The following FIS1 variants were observed in gnomAD, a reference collection of about 807,000 sequenced individuals.
The protein encoded by FIS1 is mitochondrial fission 1 protein.
In FIS1, 16 loss-of-function variants were observed where a neutral mutation model predicts 21.6. The ratio of observed to expected loss-of-function variants is 0.74; its 90% CI spans 0.50 to 1.12. FIS1 has a LOEUF of 1.12. FIS1 is among the 50% of genes most tolerant of loss of function. The pLI is 0.00. For missense variants in FIS1, 198 were observed against 190.9 expected (o/e 1.04, Z -0.22); for synonymous variants, 92 against 82.2 (o/e 1.12, Z -0.65).
At chr7:101,244,454 G>A in intron 1 of FIS1, 1 of 372,896 alleles carries the variant, frequency 2.7e-6, no homozygotes, top group South Asian at 3.4e-5. Flanking sequence ...TGTCAGAACT[G>A]CTCAACAGCC....
At chr7:101,244,804 T>G in intron 1 of FIS1, 156 bp downstream of exon 1, 1 of 850,116 alleles carries the variant, frequency 1.2e-6, no homozygotes, top group Non-Finnish European at 1.9e-6. Context: ...TAGCAGGCCC[T>G]CCGGGCAGGA....
Position 101,242,489 on chromosome 7 carries a change from T to A in FIS1, c.178+1518A>T, listed in dbSNP as rs925351545. Among the ~76,000 whole-genome samples, 440 of 90,664 alleles carry A rather than the reference T, an allele frequency of 4.9e-3. 2 individuals carry two copies. The highest frequency in any genetic ancestry group is 0.03 in the African/African-American group (423 of 14,030). 59.5% of individuals were successfully genotyped at this position (90,664 alleles called of 152,430 possible). The stretch of plus-strand genomic sequence containing the variant: ...TAAGAAAGAGTCTTATTTTTATAGT[T>A]TTTTTTTTTTTTTTTTTGAGACGGA... On this transcript the variant is annotated intron_variant, in intron 2 of 4. Coordinates refer to ENST00000223136, the MANE Select transcript of FIS1 (RefSeq NM_016068.3).
At position 101,244,019 on chromosome 7, in the gene FIS1, CGAT is replaced by C; in HGVS notation, c.163_165del (p.Ile55del). On this transcript the variant is annotated inframe_deletion, in exon 2 of 5. Coordinates refer to ENST00000223136, the MANE Select transcript of FIS1 (RefSeq NM_016068.3). ...TACAGCGCCTCACCCTCGAGCAGCACGATGCCTTTACGGATGTCATCATTGTAC... is the reference window on the plus strand; with the variant it reads ...TACAGCGCCTCACCCTCGAGCAGCACGCCTTTACGGATGTCATCATTGTAC... 3 of 1,613,398 alleles carry C rather than the reference CGAT, an allele frequency of 1.9e-6. No homozygotes were observed. Among genetic ancestry groups the C allele is most frequent in the Non-Finnish European group, 2.5e-6 (3 of 1,179,792 alleles).
chr7:101,240,133 G>C lies in FIS1; in HGVS notation c.361+9C>G. On this transcript the variant is annotated intron_variant, in intron 4 of 4. Transcript: ENST00000223136. ...GAGCGGGGCTGAACAAAGGGGCCGA[G>C]GCTGTCACCTTTCTTCATGGCCTTG... 6.2e-7 allele frequency: 1 copy of C among 1,613,422 alleles called. No individual in the cohort carries two copies. Among genetic ancestry groups the C allele is most frequent in the Non-Finnish European group, 8.5e-7 (1 of 1,179,356 alleles).
At position 101,240,827 on chromosome 7, in the gene FIS1, C is replaced by T. The variant is rs764426375; in HGVS notation, c.255+3G>A. ...GGTGAAGGGAACGGGGTCCCCACCTCACCTTGAGCCGGTAGTTCCCCACGG... is the reference window on the plus strand; with the variant it reads ...GGTGAAGGGAACGGGGTCCCCACCTTACCTTGAGCCGGTAGTTCCCCACGG... On this transcript the variant is annotated splice_donor_region_variant and intron_variant, in intron 3 of 4. Transcript: ENST00000223136. 24 of 1,613,562 alleles carry T rather than the reference C, an allele frequency of 1.5e-5. No homozygotes were observed. Among genetic ancestry groups the T allele is most frequent in the Non-Finnish European group, 2.0e-5 (24 of 1,180,020 alleles).
Position 101,245,044 on chromosome 7 carries a change from G to GCCA in FIS1, c.-43_-41dup. The stretch of plus-strand genomic sequence containing the variant: ...CGAGCCTCACACTACAGTCTACTGT[G>GCCA]CCACAGTCTCCATGGCCCAGTGGCA... On this transcript the variant is annotated 5_prime_UTR_variant, in exon 1 of 5. Transcript: ENST00000223136. The GCCA allele has an allele frequency of 6.2e-7, 1 of 1,610,286 alleles. No homozygotes were observed. Among genetic ancestry groups the GCCA allele is most frequent in the Non-Finnish European group, 8.5e-7 (1 of 1,177,654 alleles).
chr7:101,244,268 T>A lies in FIS1; in HGVS notation c.46-129A>T, dbSNP rs1015563452. The A allele has an allele frequency of 9.6e-6, 12 of 1,255,344 alleles. No homozygotes were observed. The South Asian group carries it at 1.8e-4, about 19-fold the overall frequency. The allele number at this position is 1,255,344 out of a possible 1,614,324, so 77.8% of individuals were successfully genotyped here. The stretch of plus-strand genomic sequence containing the variant: ...CGGTATCTGGCACCCCAGCTTCTGC[T>A]ATCTCCATGCCCGGGACCCAGGCTT... On this transcript the variant is annotated intron_variant, in intron 1 of 4. Coordinates refer to ENST00000223136, the MANE Select transcript of FIS1 (RefSeq NM_016068.3).
In FIS1 at chr7:101,244,002, C is replaced by G. The variant is rs1398777635; in HGVS notation, c.178+5G>C. On this transcript the variant is annotated splice_donor_5th_base_variant and intron_variant, in intron 2 of 4. Transcript: ENST00000223136. ...CAGCGGGAAAGGGAGAGTACAGCGC[C>G]TCACCCTCGAGCAGCACGATGCCTT... 1 of 1,611,944 alleles carries G rather than the reference C, an allele frequency of 6.2e-7. No individual in the cohort carries two copies. Among genetic ancestry groups the G allele is most frequent in the African/African-American group, 1.3e-5 (1 of 74,870 alleles).
intron 2 of FIS1, among the ~76,000 whole-genome samples, chr7:101,243,205 A>G (rs1171495483): frequency 6.6e-6 from 1 of 152,188 alleles, no homozygotes; most frequent in Non-Finnish European, 1.5e-5. Context: ...CTACAGAGAA[A>G]CTAAGTGGTT....
At chr7:101,244,901 A>C in intron 1 of FIS1, 59 bp downstream of exon 1, 1 of 1,602,784 alleles carries the variant, frequency 6.2e-7, no homozygotes. Context: ...CCCCTACCTG[A>C]CTCTCCTCAG....
chr7:101,244,074 C>G lies in FIS1; in HGVS notation c.111G>C (p.Glu37Asp), dbSNP rs375513653. Residue 37 changes from glutamate (E) to aspartate (D), a missense_variant, in exon 2 of 5, where the codon GAG (glutamate) becomes GAC (aspartate). Physicochemically the swap from Glu to Asp is conservative, Grantham distance 45 (BLOSUM62 2). Transcript: ENST00000223136. Reference sequence around the variant, plus strand: ...TGCTCCGCACCAGGCACCAGGCGTACTCAAACTGCGTGCTCTTGGACACCG... The same window carrying G: ...TGCTCCGCACCAGGCACCAGGCGTAGTCAAACTGCGTGCTCTTGGACACCG... ...AGSVSKSTQF[E>D]YAWCLVRSKY... 5 of 1,614,166 alleles carry G rather than the reference C, an allele frequency of 3.1e-6. No individual in the cohort carries two copies. The highest frequency in any genetic ancestry group is 4.2e-6 in the Non-Finnish European group (5 of 1,180,008).
intron 2 of FIS1, chr7:101,241,159 A>G (rs1456335580): frequency 2.1e-6 from 1 of 478,588 alleles, no homozygotes; most frequent in African/African-American, 2.0e-5. Flanking sequence ...TGGTCCATCC[A>G]ACTGAAATGA....
In FIS1 at chr7:101,245,027, A is replaced by C. The variant is rs1428645631; in HGVS notation, c.-23T>G. 1 of 1,613,650 alleles carries C rather than the reference A, an allele frequency of 6.2e-7. No homozygotes were observed. Among genetic ancestry groups the C allele is most frequent in the South Asian group, 1.1e-5 (1 of 91,000 alleles). ...CATGGCCACTGCCCCCGCGAGCCTCACACTACAGTCTACTGTGCCACAGTC... is the reference window on the plus strand; with the variant it reads ...CATGGCCACTGCCCCCGCGAGCCTCCCACTACAGTCTACTGTGCCACAGTC... On this transcript the variant is annotated 5_prime_UTR_variant, in exon 1 of 5. Coordinates refer to ENST00000223136, the MANE Select transcript of FIS1 (RefSeq NM_016068.3).
At chr7:101,244,857 C>G in intron 1 of FIS1, 103 bp downstream of exon 1, 1 of 1,465,928 alleles carries the variant, frequency 6.8e-7, no homozygotes, top group East Asian at 2.4e-5. Flanking sequence ...GTTCGGCTTC[C>G]CTCGGCCAAG....
intron 1 of FIS1, chr7:101,244,668 G>C (rs1393927701): frequency 1.9e-6 from 1 of 528,728 alleles, no homozygotes; most frequent in African/African-American, 1.9e-5. Context: ...CGCTGGAGGA[G>C]CGCCCTGAGC....
intron 2 of FIS1, among the ~76,000 whole-genome samples, chr7:101,243,782 A>G (rs1009162042): frequency 1.3e-5 from 2 of 152,162 alleles, no homozygotes; most frequent in East Asian, 3.9e-4. Flanking sequence ...ACCTCAAGTC[A>G]CTTTCCCAGA....
At chr7:101,243,695 G>A (rs1159912817) in intron 2 of FIS1, among the ~76,000 whole-genome samples, 1 of 152,220 alleles carries the variant, frequency 6.6e-6, no homozygotes, top group African/African-American at 2.4e-5. Flanking sequence ...GTGGTGTTGG[G>A]GGGAAGGGCA....
intron 3 of FIS1, 87 bp downstream of exon 3, chr7:101,240,743 C>A: frequency 1.5e-6 from 2 of 1,331,508 alleles, no homozygotes; most frequent in Non-Finnish European, 2.2e-6. Context: ...TCAGCCTTCC[C>A]GCTGTCCAGG....
At chr7:101,243,901 T>C in intron 2 of FIS1, 106 bp downstream of exon 2, 1 of 1,415,066 alleles carries the variant, frequency 7.1e-7, no homozygotes, top group South Asian at 1.4e-5. Flanking sequence ...GTATAGCCCT[T>C]GGTGCAGTAA....
Sources: gnomAD v4.1 joint callset for allele counts (sites outside exome capture counted in the v4.1 genomes callset) on GRCh38, gnomAD v4.1.1 for gene constraint, MANE v1.5 for transcripts, NCBI Gene and HGNC (gene_info 2026-07-23, HGNC 2026-07-21) for gene names.